ANKRD16: variants seen among roughly 807,000 people sequenced by gnomAD.
The protein encoded by ANKRD16 is ankyrin repeat domain-containing protein 16.
A neutral mutation model predicts 37.9 loss-of-function variants in ANKRD16; 35 were observed. The ratio of observed to expected loss-of-function variants is 0.92; its 90% CI spans 0.71 to 1.23. ANKRD16 has a LOEUF of 1.23. ANKRD16 is among the 50% of genes most tolerant of loss of function. ANKRD16 has a pLI of 0.00. For missense variants in ANKRD16, 480 were observed against 469.9 expected, an observed-to-expected ratio of 1.02 and a Z score of -0.20; for synonymous variants, 206 against 197.2, an observed-to-expected ratio of 1.04 and a Z score of -0.37.
Position 5,882,995 on chromosome 10 carries a change from A to C in ANKRD16, c.849+11T>G. 1 of 1,612,008 alleles carries C rather than the reference A, an allele frequency of 6.2e-7. No individual in the cohort carries two copies. The highest frequency in any genetic ancestry group is 8.5e-7 in the Non-Finnish European group (1 of 1,179,806). On this transcript the variant is annotated intron_variant, in intron 5 of 7. Transcript: ENST00000380094. ...AGGGAAGCTCGGACAACGTTATAAG[A>C]AGTAACAAACCTTAGCTGCATAATG...
intron 5 of ANKRD16, among the ~76,000 whole-genome samples, chr10:5,882,014 G>A (rs1245611559): frequency 4.0e-5 from 6 of 151,254 alleles, no homozygotes; most frequent in Admixed American, 3.9e-4. Flanking sequence ...CCCGTGATCC[G>A]CCCGCCTTGG....
intron 4 of ANKRD16, 26 bp downstream of exon 4, chr10:5,883,940 AAAG>A: frequency 1.2e-6 from 2 of 1,600,950 alleles, no homozygotes; most frequent in Non-Finnish European, 1.7e-6. Context: ...GGAAGAACCA[AAAG>A]AATAAAAACA....
intron 7 of ANKRD16, among the ~76,000 whole-genome samples, chr10:5,873,058 C>T (rs1429484038): frequency 1.4e-5 from 2 of 142,088 alleles, no homozygotes; most frequent in Non-Finnish European, 3.0e-5. Flanking sequence ...GAGACAGAGT[C>T]TTGCTCTGTC....
In ANKRD16 at chr10:5,887,949, T is replaced by C; in HGVS notation, c.433A>G (p.Ser145Gly). 6 of 1,614,198 alleles carry C rather than the reference T, an allele frequency of 3.7e-6. No individual in the cohort carries two copies. Among genetic ancestry groups the C allele is most frequent in the Non-Finnish European group, 5.1e-6 (6 of 1,180,012 alleles). ...AGGATCAGAGGGTCGCCTTCTCGAC[T>C]GGCAATGTGGAAACTGTTCCAGCCA... Reference protein sequence around the residue: ...KDGWNSFHIASREGDPLILQY... With the variant: ...KDGWNSFHIAGREGDPLILQY... The change falls in exon 2 of 8, where the codon AGT becomes GGT. Residue 145 changes from serine (S) to glycine (G), a missense_variant. Ser to Gly is a moderately conservative substitution (Grantham distance 56, BLOSUM62 0). Coordinates refer to ENST00000380094, the MANE Select transcript of ANKRD16 (RefSeq NM_019046.3).
chr10:5,879,075 G>A (rs1173728128), intron 6 of ANKRD16, among the ~76,000 whole-genome samples: 1 of 152,214 alleles, frequency 6.6e-6, no homozygotes, highest in Admixed American at 6.5e-5. Flanking sequence ...TGATTCTGCT[G>A]CTTTCCCTCC....
At position 5,866,237 on chromosome 10, in the gene ANKRD16, TG is replaced by T; in HGVS notation, c.*34-3547del. On this transcript the variant is annotated intron_variant, in intron 7 of 7. Transcript: ENST00000380094. The surrounding 1 kb of genome is among the most constrained non-coding windows in gnomAD (Gnocchi z 4.3). ...ACCCTGCCACTTTTCTCCCAGAGGA[TG>T]GGGAACCGATCGAGCATGACTGCCA... 1.3e-5 allele frequency among the ~76,000 whole-genome samples: 2 copies of T among 152,276 alleles called. No individual in the cohort carries two copies. The highest frequency in any genetic ancestry group is 4.1e-4 in the South Asian group (2 of 4,824).
intron 5 of ANKRD16, 129 bp from the exon 6 acceptor site, chr10:5,880,505 G>C (rs1016145209): frequency 1.8e-5 from 8 of 446,146 alleles, no homozygotes; most frequent in African/African-American, 1.6e-4. Flanking sequence ...ACATACCTGA[G>C]AGACAGGTCT....
In ANKRD16 at chr10:5,870,778, G is replaced by A. The variant is rs1245684746; in HGVS notation, c.*33+7319C>T. 2.6e-5 allele frequency among the ~76,000 whole-genome samples: 4 copies of A among 152,162 alleles called. No individual in the cohort carries two copies. The highest frequency in any genetic ancestry group is 4.4e-5 in the Non-Finnish European group (3 of 68,020). ...TTCCAGAGTAGGAAGAGTAACAAGA[G>A]ACCTGGTTCACCTGTGGTGAAGCCA... On this transcript the variant is annotated intron_variant, in intron 7 of 7. Coordinates refer to ENST00000380094, the MANE Select transcript of ANKRD16 (RefSeq NM_019046.3). This position sits in a 1 kb window ranked among gnomAD's most constrained non-coding sequence, Gnocchi z 5.0.
rs1841972808 is a variant in ANKRD16 at position 5,863,629 on chromosome 10, A to G, written c.*34-938T>C. Reference sequence around the variant, plus strand: ...GCAACCCACTTGGGTCCCCTTCCACACTGTGGAAGCTTTGTTCTTTTGTTC... The same window carrying G: ...GCAACCCACTTGGGTCCCCTTCCACGCTGTGGAAGCTTTGTTCTTTTGTTC... On this transcript the variant is annotated intron_variant, in intron 7 of 7. Transcript: ENST00000380094. The surrounding 1 kb of genome is among the most constrained non-coding windows in gnomAD (Gnocchi z 4.7). Among the ~76,000 whole-genome samples the G allele has an allele frequency of 6.6e-6, 1 of 152,028 alleles. No individual in the cohort carries two copies. The highest frequency in any genetic ancestry group is 1.9e-4 in the East Asian group (1 of 5,176).
chr10:5,884,739 T>A (rs200568803), intron 3 of ANKRD16, among the ~76,000 whole-genome samples: 224 of 120,052 alleles, frequency 1.9e-3, no homozygotes, highest in Non-Finnish European at 2.1e-3. Context: ...TCTCAAAAAC[T>A]AAAAAAAAAA....
At chr10:5,880,432 A>G (rs1842278474) in intron 5 of ANKRD16, 56 bp from the exon 6 acceptor site, 3 of 1,191,610 alleles carry the variant, frequency 2.5e-6, no homozygotes, top group Admixed American at 2.4e-5. Context: ...AACCTTTTGC[A>G]AACCAAAAAG....
At chr10:5,882,972 G>A in intron 5 of ANKRD16, 34 bp downstream of exon 5, 1 of 1,604,210 alleles carries the variant, frequency 6.2e-7, no homozygotes, top group Non-Finnish European at 8.5e-7. Flanking sequence ...CAAGCCTCAG[G>A]GAAGCTCGGA....
rs1589019872 is a variant in ANKRD16 at position 5,878,159 on chromosome 10, G to A, written c.1057C>T (p.Gln353Ter). 6.2e-7 allele frequency: 1 copy of A among 1,614,088 alleles called. No homozygotes were observed. The highest frequency in any genetic ancestry group is 8.5e-7 in the Non-Finnish European group (1 of 1,179,986). ...QQLPRRADVL[Q>*]GSGHSAMT ...GTCATTGCGCTATGGCCAGAGCCCT[G>A]AAGGACATCTGCTCTCCTTGGGAGC... Residue 353 changes from glutamine to a stop codon, truncating the protein, a stop_gained, in exon 7 of 8, where the codon CAG becomes TAG. Transcript: ENST00000380094. LOFTEE classifies it high-confidence loss of function. The surrounding 1 kb of genome is among the most constrained non-coding windows in gnomAD (Gnocchi z 5.1).
At position 5,880,305 on chromosome 10, in the gene ANKRD16, AT is replaced by A; in HGVS notation, c.920del (p.Asn307IlefsTer25). ...GADINSKDEKNRSALHLACAG... is the reference protein window; with the variant it reads ...GADINSKDEKXRSALHLACAG... ...TATAAAATTAAACGGTACCTGATCG[AT>A]TTTTTTCATCTTTAGAATTGATGTC... On this transcript the variant is annotated frameshift_variant, in exon 6 of 8. Coordinates refer to ENST00000380094, the MANE Select transcript of ANKRD16 (RefSeq NM_019046.3). LOFTEE classifies it high-confidence loss of function. The A allele has an allele frequency of 2.5e-6, 4 of 1,594,240 alleles. No homozygotes were observed. Among genetic ancestry groups the A allele is most frequent in the African/African-American group, 1.4e-5 (1 of 74,040 alleles).
In ANKRD16 at chr10:5,889,561, G is replaced by T; in HGVS notation, c.-207C>A. ...AACCCCCGGCCTAGTCCGCAGGCGG[G>T]CTGCCCCCTCACAGCCCCGGCCTGC... is the stretch of plus-strand genomic sequence containing the variant. On this transcript the variant is annotated 5_prime_UTR_variant, in exon 1 of 8. Coordinates refer to ENST00000380094, the MANE Select transcript of ANKRD16 (RefSeq NM_019046.3). 1 of 272,792 alleles carries T rather than the reference G, an allele frequency of 3.7e-6. No homozygotes were observed. The highest frequency in any genetic ancestry group is 6.5e-6 in the Non-Finnish European group (1 of 154,570). 16.9% of individuals were successfully genotyped at this position (272,792 alleles called of 1,614,324 possible).
chr10:5,877,044 T>TTA (rs1366892632), intron 7 of ANKRD16, among the ~76,000 whole-genome samples: 1 of 152,208 alleles, frequency 6.6e-6, no homozygotes, highest in Non-Finnish European at 1.5e-5. Context: ...AAAATGGGTT[T>TTA]TAAAGACAAA....
intron 3 of ANKRD16, among the ~76,000 whole-genome samples, chr10:5,884,702 A>C (rs1167015858): frequency 6.8e-6 from 1 of 146,822 alleles, no homozygotes; most frequent in Admixed American, 7.1e-5. Context: ...ATTGCAGTCC[A>C]GCCTGGGTGA....
rs769907992 is a variant in ANKRD16, at chr10:5,883,008, T to G, written c.847A>C (p.Lys283Gln). 8 of 1,613,112 alleles carry G rather than the reference T, an allele frequency of 5.0e-6. No individual in the cohort carries two copies. The Admixed American group carries it at 1.3e-4, about 27-fold the overall frequency. ...THLTALHYAA[K>Q]EGHTSTIQTL... ...CAACGTTATAAGAAGTAACAAACCT[T>G]AGCTGCATAATGAAGTGCTGTGAGG... Residue 283 changes from lysine (K) to glutamine (Q), a missense_variant and splice_region_variant, in exon 5 of 8, where the codon AAG (lysine) becomes CAG (glutamine). Coordinates refer to ENST00000380094, the MANE Select transcript of ANKRD16 (RefSeq NM_019046.3).
At chr10:5,876,732 G>A (rs555396596) in intron 7 of ANKRD16, among the ~76,000 whole-genome samples, 1 of 152,212 alleles carries the variant, frequency 6.6e-6, no homozygotes, top group Non-Finnish European at 1.5e-5. Context: ...TGAGAGTAAG[G>A]TGGGTGTGTA....
Sources: allele counts gnomAD v4.1 joint callset (sites outside exome capture counted in the v4.1 genomes callset), GRCh38; gene constraint gnomAD v4.1.1; non-coding constraint Gnocchi (gnomAD v3.1); transcripts MANE v1.5; gene names NCBI Gene and HGNC (gene_info 2026-07-23, HGNC 2026-07-21).